The following GALNT13 variants were observed in gnomAD, a reference collection of about 807,000 sequenced individuals.
The protein encoded by GALNT13 is UDP-GalNAc:polypeptide N-acetylgalactosaminyltransferase 13.
In GALNT13, 28 loss-of-function variants were observed where a neutral mutation model predicts 64.2. The observed-to-expected ratio is 0.44, with a 90% CI of 0.32 to 0.60. The LOEUF is 0.60. Ranked by LOEUF, GALNT13 falls within the 20% of genes least tolerant of loss-of-function variation. The pLI is 0.05. For missense variants in GALNT13, 577 were observed against 669.8 expected (o/e 0.86, Z 1.53); for synonymous variants, 214 against 224.6 (o/e 0.95, Z 0.42).
the GALNT13 span, among the ~76,000 whole-genome samples, chr2:153,691,554 C>T: frequency 6.6e-6 from 1 of 151,748 alleles, no homozygotes; most frequent in African/African-American, 2.4e-5. Context: ...ATGTGTCAAC[C>T]TGAAAAAGAT....
the GALNT13 span, among the ~76,000 whole-genome samples, chr2:153,604,380 C>A: frequency 6.6e-6 from 1 of 152,034 alleles, no homozygotes; most frequent in Non-Finnish European, 1.5e-5. Flanking sequence ...CAATCTCTGT[C>A]TCTCTGTCTC....
At chr2:153,480,977 C>T in the GALNT13 span, among the ~76,000 whole-genome samples, 3 of 152,088 alleles carry the variant, frequency 2.0e-5, no homozygotes, top group South Asian at 4.1e-4. Context: ...TTGCTGTTTT[C>T]GTCAGGTCAG....
the GALNT13 span, among the ~76,000 whole-genome samples, chr2:153,425,517 G>A: frequency 2.6e-5 from 4 of 151,668 alleles, no homozygotes; most frequent in Non-Finnish European, 4.4e-5. Context: ...ACTGATAAAT[G>A]TATGATTTTA....
chr2:153,917,361 C>T (rs1221224233), intron 2 of GALNT13, among the ~76,000 whole-genome samples: 1 of 152,046 alleles, frequency 6.6e-6, no homozygotes, highest in African/African-American at 2.4e-5. Flanking sequence ...GAATCAGGAA[C>T]ACACAGAATA....
chr2:153,886,294 G>A (rs528982253), intron 1 of GALNT13, among the ~76,000 whole-genome samples: 2 of 151,538 alleles, frequency 1.3e-5, no homozygotes, highest in Admixed American at 1.3e-4. Flanking sequence ...CATGTGCCAT[G>A]TTGGTGTGCT....
At chr2:153,706,239 C>T in the GALNT13 span, among the ~76,000 whole-genome samples, 1 of 152,244 alleles carries the variant, frequency 6.6e-6, no homozygotes, top group East Asian at 1.9e-4. Flanking sequence ...TCGTGATCCA[C>T]CCACCTCGGC....
chr2:153,192,576 C>G, the GALNT13 span, among the ~76,000 whole-genome samples: 2 of 152,070 alleles, frequency 1.3e-5, no homozygotes, highest in East Asian at 3.9e-4. Flanking sequence ...GATGATCTGT[C>G]TGTTGCTGAG....
At chr2:153,437,331 G>A in the GALNT13 span, among the ~76,000 whole-genome samples, 2 of 152,174 alleles carry the variant, frequency 1.3e-5, no homozygotes, top group African/African-American at 2.4e-5. Flanking sequence ...TTCTGTAGAT[G>A]TCTATTGGGT....
At chr2:154,338,688 A>G (rs887989677) in intron 9 of GALNT13, among the ~76,000 whole-genome samples, 1 of 152,116 alleles carries the variant, frequency 6.6e-6, no homozygotes, top group Non-Finnish European at 1.5e-5. Context: ...GCTAGTTTGA[A>G]TAATTTCCGT....
intron 3 of GALNT13, among the ~76,000 whole-genome samples, chr2:154,061,428 C>T (rs933288662): frequency 6.6e-6 from 1 of 152,150 alleles, no homozygotes; most frequent in Non-Finnish European, 1.5e-5. Context: ...CAGAGCTGGA[C>T]TCCTCAATCC....
chr2:153,672,088 C>A, the GALNT13 span, among the ~76,000 whole-genome samples: 79 of 152,226 alleles, frequency 5.2e-4, no homozygotes, highest in South Asian at 1.5e-3. Flanking sequence ...CTTAGAATCC[C>A]ACACAATAAT....
the GALNT13 span, among the ~76,000 whole-genome samples, chr2:153,152,707 C>A: frequency 7.2e-3 from 1,095 of 152,218 alleles, 5 homozygotes; most frequent in Non-Finnish European, 0.01. Flanking sequence ...TGGCCTCCAG[C>A]TCCGTCCATG....
At chr2:154,159,077 A>G (rs902477534) in intron 4 of GALNT13, among the ~76,000 whole-genome samples, 1 of 151,616 alleles carries the variant, frequency 6.6e-6, no homozygotes, top group Non-Finnish European at 1.5e-5. Flanking sequence ...TTCTCACTAA[A>G]CATAAGTTCA....
intron 4 of GALNT13, 23 bp downstream of exon 4, chr2:154,140,528 A>C: frequency 6.7e-7 from 1 of 1,496,586 alleles, no homozygotes. Flanking sequence ...TTGTTATATA[A>C]TCTTTTATAT....
At chr2:153,336,783 G>T in the GALNT13 span, among the ~76,000 whole-genome samples, 1 of 152,258 alleles carries the variant, frequency 6.6e-6, no homozygotes, top group African/African-American at 2.4e-5. Context: ...GGGGCTAGGG[G>T]TAGAATGAAA....
the GALNT13 span, among the ~76,000 whole-genome samples, chr2:153,105,533 C>A: frequency 6.6e-6 from 1 of 152,060 alleles, no homozygotes; most frequent in Non-Finnish European, 1.5e-5. Context: ...GGAAATCAGG[C>A]AGGAGAAGGA....
At chr2:153,654,122 A>G in the GALNT13 span, among the ~76,000 whole-genome samples, 1 of 152,134 alleles carries the variant, frequency 6.6e-6, no homozygotes, top group Non-Finnish European at 1.5e-5. Flanking sequence ...AACCGTGAGT[A>G]TGAAATATGG....
At chr2:153,354,619 A>G in the GALNT13 span, among the ~76,000 whole-genome samples, 3 of 152,156 alleles carry the variant, frequency 2.0e-5, no homozygotes, top group East Asian at 3.9e-4. Context: ...AAGAGTCAGT[A>G]GTTATGAGTC....
intron 9 of GALNT13, among the ~76,000 whole-genome samples, chr2:154,327,325 AG>A (rs1476158401): frequency 6.6e-6 from 1 of 152,024 alleles, no homozygotes; most frequent in Non-Finnish European, 1.5e-5. Context: ...GCAAATACCC[AG>A]TCTCAGGTAG....
Sources: allele counts gnomAD v4.1 joint callset (sites outside exome capture counted in the v4.1 genomes callset), GRCh38; gene constraint gnomAD v4.1.1; transcripts MANE v1.5; gene names NCBI Gene and HGNC (gene_info 2026-07-23, HGNC 2026-07-21).